The following RIMS4 variants were observed in gnomAD, a reference collection of about 807,000 sequenced individuals.
The protein encoded by RIMS4 is regulating synaptic membrane exocytosis protein 4.
Under a neutral mutation model 29.0 loss-of-function variants are expected in RIMS4, and 9 were observed. That is an observed-to-expected ratio of 0.31 (90% CI 0.19 to 0.54). The LOEUF (loss-of-function observed/expected upper bound fraction) is 0.54. RIMS4 is among the 20% of genes least tolerant of loss of function. The probability of loss-of-function intolerance (pLI) is 0.94; values close to 1 mark genes in which losing one functional copy is unlikely to be tolerated. For synonymous variants in RIMS4, 130 were observed against 152.9 expected, an observed-to-expected ratio of 0.85 and a Z score of 1.10; for missense variants, 193 against 365.7, an observed-to-expected ratio of 0.53 and a Z score of 3.85.
chr20:44,787,863 T>C (rs1292977101), intron 1 of RIMS4, among the ~76,000 whole-genome samples: 1 of 152,226 alleles, frequency 6.6e-6, no homozygotes, highest in Non-Finnish European at 1.5e-5. Context: ...CACAAGTGTC[T>C]GCAATACCAG....
chr20:44,776,848 T>A (rs2066162360), intron 1 of RIMS4, among the ~76,000 whole-genome samples: 2 of 152,166 alleles, frequency 1.3e-5, no homozygotes, highest in Middle Eastern at 3.2e-3. Flanking sequence ...ACTGCCCCCC[T>A]TTACAGAGAA....
At chr20:44,787,146 T>G (rs745993713) in intron 1 of RIMS4, among the ~76,000 whole-genome samples, 26 of 152,130 alleles carry the variant, frequency 1.7e-4, no homozygotes, top group Non-Finnish European at 3.4e-4. Flanking sequence ...GTGGCAGACA[T>G]GTCTGGTATG....
chr20:44,757,929 G>A, intron 3 of RIMS4, 143 bp downstream of exon 3: 1 of 924,194 alleles, frequency 1.1e-6, no homozygotes, highest in South Asian at 1.5e-5. Context: ...GCTCTGCTGA[G>A]GGCTTGAGAG....
chr20:44,789,159 A>T (rs982831027), intron 1 of RIMS4, among the ~76,000 whole-genome samples: 1 of 151,730 alleles, frequency 6.6e-6, no homozygotes, highest in Admixed American at 6.6e-5. Context: ...AAAAAGGGAG[A>T]GGGTGGTTTA....
intron 1 of RIMS4, among the ~76,000 whole-genome samples, chr20:44,794,743 T>C (rs764694869): frequency 2.6e-5 from 4 of 152,158 alleles, no homozygotes; most frequent in African/African-American, 9.7e-5. Context: ...TTTTTTTGTC[T>C]CTTGCGCACT....
intron 1 of RIMS4, among the ~76,000 whole-genome samples, chr20:44,779,607 T>C (rs1296997058): frequency 6.6e-6 from 1 of 152,232 alleles, no homozygotes; most frequent in East Asian, 1.9e-4. Flanking sequence ...TGTAGTACAT[T>C]GTGTGAATAT....
intron 2 of RIMS4, among the ~76,000 whole-genome samples, chr20:44,762,707 C>G (rs2066091360): frequency 6.6e-6 from 1 of 152,164 alleles, no homozygotes; most frequent in Non-Finnish European, 1.5e-5. Flanking sequence ...CCCAGAAACC[C>G]TGAATAGGTT....
chr20:44,810,095 G>C, intron 1 of RIMS4, 80 bp downstream of exon 1: 1 of 754,606 alleles, frequency 1.3e-6, no homozygotes. Flanking sequence ...TGGGGAGGAG[G>C]GCGCACGGGT....
intron 1 of RIMS4, among the ~76,000 whole-genome samples, chr20:44,789,560 AT>A (rs1238136082): frequency 6.6e-6 from 1 of 151,910 alleles, no homozygotes; most frequent in East Asian, 1.9e-4. Flanking sequence ...CAATATGAGA[AT>A]TTCTTATTTT....
intron 1 of RIMS4, among the ~76,000 whole-genome samples, chr20:44,798,065 T>C (rs565542226): frequency 2.1e-4 from 32 of 152,318 alleles, no homozygotes; most frequent in Admixed American, 7.8e-4. Context: ...TTAGGGCCTC[T>C]GCCCTCCTCT....
intron 1 of RIMS4, among the ~76,000 whole-genome samples, chr20:44,780,161 C>T (rs1447751177): frequency 6.6e-6 from 1 of 152,190 alleles, no homozygotes; most frequent in Non-Finnish European, 1.5e-5. Context: ...CTCATTATTT[C>T]ATCGATTCTA....
chr20:44,796,477 T>G (rs188279080), intron 1 of RIMS4, among the ~76,000 whole-genome samples: 1 of 152,304 alleles, frequency 6.6e-6, no homozygotes, highest in African/African-American at 2.4e-5. Flanking sequence ...CAACTCTGCC[T>G]TTCCCAAGTC....
At chr20:44,785,744 G>A (rs2066205389) in intron 1 of RIMS4, among the ~76,000 whole-genome samples, 1 of 150,822 alleles carries the variant, frequency 6.6e-6, no homozygotes, top group South Asian at 2.1e-4. Flanking sequence ...ATGATACATA[G>A]GTTTTCTTTT....
At chr20:44,809,774 C>T (rs1310503424) in intron 1 of RIMS4, among the ~76,000 whole-genome samples, 1 of 152,074 alleles carries the variant, frequency 6.6e-6, no homozygotes, top group African/African-American at 2.4e-5. Flanking sequence ...GCGCCACCTC[C>T]AATGGCGGGG....
intron 2 of RIMS4, among the ~76,000 whole-genome samples, chr20:44,764,103 C>T (rs1028892180): frequency 2.7e-5 from 4 of 149,590 alleles, no homozygotes; most frequent in Admixed American, 1.3e-4. Flanking sequence ...CCCATCCATC[C>T]GTCCATCCAT....
chr20:44,771,497 G>A, intron 1 of RIMS4, 84 bp from the exon 2 acceptor site: 1 of 1,469,648 alleles, frequency 6.8e-7, no homozygotes, highest in Non-Finnish European at 9.2e-7. Flanking sequence ...GGTTAGCAGT[G>A]TTTCAGCAGC....
chr20:44,761,749 G>A (rs2066086206), intron 2 of RIMS4, among the ~76,000 whole-genome samples: 1 of 152,332 alleles, frequency 6.6e-6, no homozygotes, highest in Non-Finnish European at 1.5e-5. Context: ...GTCTGCTCTG[G>A]AAGAAGCCAA....
chr20:44,810,429 C>G lies in RIMS4; in HGVS notation c.-158G>C, dbSNP rs2066319919. ...GGCTCCGCTGCGGGGCTGGCGGGCG[C>G]GGCGGGGCCGGCGGGCGGGCCAGGA... On this transcript the variant is annotated 5_prime_UTR_variant, in exon 1 of 6. Coordinates refer to ENST00000372851, the MANE Select transcript of RIMS4 (RefSeq NM_182970.4). 1 of 146,874 alleles carries G rather than the reference C, an allele frequency of 6.8e-6. No homozygotes were observed. The highest frequency in any genetic ancestry group is 1.5e-5 in the Non-Finnish European group (1 of 66,810). 9.1% of individuals were successfully genotyped at this position (146,874 alleles called of 1,614,324 possible).
chr20:44,810,110 G>A, intron 1 of RIMS4, 65 bp downstream of exon 1: 1 of 968,704 alleles, frequency 1.0e-6, no homozygotes, highest in South Asian at 1.4e-5. Context: ...ACGGGTCGGG[G>A]AGGGGGCTAC....
Sources: allele counts gnomAD v4.1 joint callset (sites outside exome capture counted in the v4.1 genomes callset), GRCh38; gene constraint gnomAD v4.1.1; transcripts MANE v1.5; gene names NCBI Gene and HGNC (gene_info 2026-07-23, HGNC 2026-07-21).